The following SLX4IP variants were observed in gnomAD, a reference collection of about 807,000 sequenced individuals.
SLX4IP encodes protein SLX4IP.
A neutral mutation model predicts 32.9 loss-of-function variants in SLX4IP; 34 were observed. That is an observed-to-expected ratio of 1.03 (90% confidence interval 0.79 to 1.38). SLX4IP has a LOEUF of 1.38. SLX4IP is among the 40% of genes most tolerant of loss of function. The pLI is 0.00. For missense variants in SLX4IP, 444 were observed against 479.0 expected (o/e 0.93, Z 0.68); for synonymous variants, 172 against 171.7 (o/e 1.00, Z -0.01).
intron 2 of SLX4IP, among the ~76,000 whole-genome samples, chr20:10,538,194 C>T (rs2066066463): frequency 1.3e-5 from 2 of 152,178 alleles, no homozygotes; most frequent in African/African-American, 4.8e-5. Flanking sequence ...CTCTTTGACC[C>T]AGGGCCATTT....
intron 1 of SLX4IP, among the ~76,000 whole-genome samples, chr20:10,454,304 G>A (rs2065267254): frequency 6.6e-6 from 1 of 152,194 alleles, no homozygotes; most frequent in Non-Finnish European, 1.5e-5. Flanking sequence ...CCCTATGTCA[G>A]TATTTTTAGA....
chr20:10,542,390 A>T (rs1340972483), intron 2 of SLX4IP, among the ~76,000 whole-genome samples: 5 of 152,086 alleles, frequency 3.3e-5, no homozygotes, highest in Non-Finnish European at 7.4e-5. Context: ...AGAACTAAGG[A>T]TTATTCTTCC....
chr20:10,558,406 C>T (rs187669134), intron 3 of SLX4IP, among the ~76,000 whole-genome samples: 16 of 149,164 alleles, frequency 1.1e-4, no homozygotes, highest in East Asian at 9.9e-4. Flanking sequence ...TTTGTGTGTG[C>T]GTAAGAAAGG....
chr20:10,579,497 G>T (rs572612901), intron 4 of SLX4IP, among the ~76,000 whole-genome samples: 2 of 150,000 alleles, frequency 1.3e-5, no homozygotes, highest in African/African-American at 4.9e-5. Context: ...GTGTGATCTC[G>T]GCTCGCTGCA....
intron 2 of SLX4IP, among the ~76,000 whole-genome samples, chr20:10,525,376 C>T (rs142277808): frequency 6.6e-6 from 1 of 152,232 alleles, no homozygotes; most frequent in East Asian, 1.9e-4. Context: ...AAATTTAGCA[C>T]TCATACCTCT....
intron 1 of SLX4IP, among the ~76,000 whole-genome samples, chr20:10,446,004 A>G (rs548900229): frequency 6.9e-6 from 1 of 145,806 alleles, no homozygotes; most frequent in African/African-American, 2.6e-5. Flanking sequence ...ATGTATCAAT[A>G]GTTTATTCCC....
At chr20:10,552,435 A>G (rs1023958563) in intron 2 of SLX4IP, among the ~76,000 whole-genome samples, 3 of 144,048 alleles carry the variant, frequency 2.1e-5, no homozygotes, top group African/African-American at 5.2e-5. Context: ...CTGTTTTCTC[A>G]TGAGTGACAA....
At chr20:10,435,952 T>G (rs2065108667) in intron 1 of SLX4IP, among the ~76,000 whole-genome samples, 1 of 152,226 alleles carries the variant, frequency 6.6e-6, no homozygotes, top group Admixed American at 6.5e-5. Flanking sequence ...TGACATCTAC[T>G]AGGTTGAGAC....
At chr20:10,542,919 A>G (rs1380315892) in intron 2 of SLX4IP, among the ~76,000 whole-genome samples, 2 of 152,120 alleles carry the variant, frequency 1.3e-5, no homozygotes, top group Non-Finnish European at 2.9e-5. Context: ...TATGTCCCCT[A>G]TATATTCATC....
At position 10,511,691 on chromosome 20, in the gene SLX4IP, C is replaced by T. The variant is rs537175094; in HGVS notation, c.28-44540C>T. Among the ~76,000 whole-genome samples the T allele has an allele frequency of 7.2e-5, 11 of 152,322 alleles. No homozygotes were observed. In the South Asian group the frequency reaches 2.1e-3, roughly 29 times the overall value. On this transcript the variant is annotated intron_variant, in intron 2 of 7. Transcript: ENST00000334534. ...AGCTTCGCAGATGACACTTGGAAAA[C>T]GTAAGGACCCACAGTTAGGTGGCCA...
At chr20:10,544,083 A>G (rs1485113523) in intron 2 of SLX4IP, among the ~76,000 whole-genome samples, 2 of 152,170 alleles carry the variant, frequency 1.3e-5, no homozygotes, top group Non-Finnish European at 2.9e-5. Flanking sequence ...TGGTCGAGCC[A>G]GGCTCTGGTG....
intron 1 of SLX4IP, among the ~76,000 whole-genome samples, chr20:10,441,454 G>A (rs1450533738): frequency 1.3e-5 from 2 of 151,994 alleles, no homozygotes; most frequent in African/African-American, 2.4e-5. Context: ...CAACAACAAC[G>A]AAAACCTACT....
intron 2 of SLX4IP, among the ~76,000 whole-genome samples, chr20:10,471,697 C>T (rs967910136): frequency 6.6e-6 from 1 of 152,196 alleles, no homozygotes; most frequent in African/African-American, 2.4e-5. Flanking sequence ...AGAAGCCCCA[C>T]TATTCTCATA....
intron 4 of SLX4IP, among the ~76,000 whole-genome samples, chr20:10,570,453 G>A (rs1310108174): frequency 3.9e-5 from 6 of 152,178 alleles, no homozygotes; most frequent in Non-Finnish European, 5.9e-5. Flanking sequence ...CACACAGATC[G>A]GCATGCAGAC....
At chr20:10,512,573 T>C (rs921747544) in intron 2 of SLX4IP, among the ~76,000 whole-genome samples, 2 of 143,860 alleles carry the variant, frequency 1.4e-5, no homozygotes, top group Non-Finnish European at 3.0e-5. Context: ...TTTATATATA[T>C]ATAGGTGTGT....
chr20:10,568,304 A>G (rs773765196), intron 4 of SLX4IP, among the ~76,000 whole-genome samples: 6 of 152,228 alleles, frequency 3.9e-5, no homozygotes, highest in Non-Finnish European at 7.3e-5. Context: ...CAGTAGTGTC[A>G]CTGAAGCAGA....
At chr20:10,590,488 G>A (rs1372428898) in intron 4 of SLX4IP, among the ~76,000 whole-genome samples, 1 of 152,010 alleles carries the variant, frequency 6.6e-6, no homozygotes, top group Non-Finnish European at 1.5e-5. Flanking sequence ...AGCCTCCGGA[G>A]TAGCTGGGAT....
intron 4 of SLX4IP, among the ~76,000 whole-genome samples, chr20:10,571,164 AGTGACCTT>A (rs1338039379): frequency 9.9e-5 from 15 of 152,138 alleles, no homozygotes; most frequent in Non-Finnish European, 1.2e-4. Flanking sequence ...GCAGCATAAA[AGTGACCTT>A]GTGGAGTTGG....
chr20:10,607,095 T>C (rs76279686), intron 6 of SLX4IP, among the ~76,000 whole-genome samples: 3,549 of 152,318 alleles, frequency 0.023, 104 homozygotes, highest in African/African-American at 0.069. Context: ...TTTTAGTTTA[T>C]GATATGAGGT....
Sources: allele counts gnomAD v4.1 joint callset (sites outside exome capture counted in the v4.1 genomes callset), GRCh38; gene constraint gnomAD v4.1.1; transcripts MANE v1.5; gene names NCBI Gene and HGNC (gene_info 2026-07-23, HGNC 2026-07-21).